Variants in HDAC5 observed in about 807,000 individuals in gnomAD.
HDAC5 encodes antigen NY-CO-9.
HDAC5 carries 25 observed loss-of-function variants against 133.3 expected under a neutral mutation model. That is an observed-to-expected ratio of 0.19 (90% confidence interval 0.14 to 0.26). The LOEUF (loss-of-function observed/expected upper bound fraction) is 0.26. HDAC5 is among the 10% of genes least tolerant of loss of function. The pLI, the probability that HDAC5 is intolerant of heterozygous loss-of-function variation, is 1.00. For missense variants in HDAC5, 1,041 were observed against 1,460.5 expected (o/e 0.71, Z 4.68); for synonymous variants, 589 against 610.8 (o/e 0.96, Z 0.53).
chr17:44,080,681 C>T, intron 21 of HDAC5, 82 bp downstream of exon 21: 1 of 1,587,076 alleles, frequency 6.3e-7, no homozygotes, highest in Admixed American at 1.7e-5. Flanking sequence ...CCACCATGGG[C>T]CTCCGTGGCT....
Position 44,087,534 on chromosome 17 carries a change from C to T in HDAC5, c.1762G>A (p.Glu588Lys), listed in dbSNP as rs751032840. 2 of 1,613,852 alleles carry T rather than the reference C, an allele frequency of 1.2e-6. No homozygotes were observed. The highest frequency in any genetic ancestry group is 1.1e-5 in the South Asian group (1 of 91,086). The change falls in exon 13 of 27, where the codon GAG becomes AAG. Residue 588 changes from glutamate (E) to lysine (K), a missense_variant. Physicochemically the swap from Glu to Lys is moderately conservative, Grantham distance 56 (BLOSUM62 1). This residue lies in a region of HDAC5 where 433 missense variants were observed against 531.6 expected (regional missense o/e 0.81). Coordinates refer to ENST00000682912, the MANE Select transcript of HDAC5 (RefSeq NM_005474.5). ...ESESTQEDLE[E>K]EDEEDDGEEE... ...TCCCCATCGTCTTCCTCGTCCTCCT[C>T]CTCCAGGTCTTCCTGTGTGCTCTCA...
intron 3 of HDAC5, among the ~76,000 whole-genome samples, chr17:44,098,047 C>T (rs1188076119): frequency 6.6e-6 from 1 of 152,256 alleles, no homozygotes; most frequent in African/African-American, 2.4e-5. Flanking sequence ...ATTTGCAGGA[C>T]CTGCAGGGAC....
In HDAC5 at chr17:44,080,240, C is replaced by G. The variant is rs753873521; in HGVS notation, c.2826-15G>C. On this transcript the variant is annotated splice_polypyrimidine_tract_variant and intron_variant, in intron 22 of 26. Coordinates refer to ENST00000682912, the MANE Select transcript of HDAC5 (RefSeq NM_005474.5). The stretch of plus-strand genomic sequence containing the variant: ...TCACCACTGTCCTGCAAAGGGATGG[C>G]TCAAGCTGAGCCCGGCAGATGACCA... 8 of 1,608,670 alleles carry G rather than the reference C, an allele frequency of 5.0e-6. No individual in the cohort carries two copies. The highest frequency in any genetic ancestry group is 6.8e-6 in the Non-Finnish European group (8 of 1,175,214).
At chr17:44,094,808 C>T (rs2051167327) in intron 3 of HDAC5, among the ~76,000 whole-genome samples, 1 of 151,140 alleles carries the variant, frequency 6.6e-6, no homozygotes, top group Non-Finnish European at 1.5e-5. Context: ...ATCTCTCTAC[C>T]TATATATATA....
intron 21 of HDAC5, 59 bp downstream of exon 21, chr17:44,080,704 C>T (rs2050350250): frequency 1.2e-6 from 2 of 1,611,790 alleles, no homozygotes; most frequent in East Asian, 4.5e-5. Flanking sequence ...CCGCCAGGTC[C>T]CATTGTGCCA....
rs1461452125 is a variant in HDAC5, at chr17:44,092,531, G to C, written c.773-4C>G. ...ACTTTCAAGTTGGGTTCAGAGGCTG[G>C]AGAGAAGGTAACCGAGGTTCAGATA... is the stretch of plus-strand genomic sequence containing the variant. On this transcript the variant is annotated splice_region_variant and splice_polypyrimidine_tract_variant and intron_variant, in intron 7 of 26. Coordinates refer to ENST00000682912, the MANE Select transcript of HDAC5 (RefSeq NM_005474.5). The C allele has an allele frequency of 9.3e-6, 15 of 1,611,258 alleles. No homozygotes were observed. The highest frequency in any genetic ancestry group is 1.3e-5 in the Non-Finnish European group (15 of 1,177,858).
Position 44,087,571 on chromosome 17 carries a change from G to A in HDAC5, c.1725C>T (p.Gly575=). Residue 575 remains glycine, a synonymous_variant, in exon 13 of 27, where the codon GGC becomes GGT. Transcript: ENST00000682912. The part of the protein sequence containing the change: ...GEGALTMPRE[G]STESESTQED... Reference sequence around the variant, plus strand: ...CCTGTGTGCTCTCACTCTCTGTGGAGCCCTCCCGGGGCATGGTCAGGGCTC... The same window carrying A: ...CCTGTGTGCTCTCACTCTCTGTGGAACCCTCCCGGGGCATGGTCAGGGCTC... The A allele has an allele frequency of 1.2e-6, 2 of 1,614,108 alleles. No individual in the cohort carries two copies. The highest frequency in any genetic ancestry group is 1.7e-6 in the Non-Finnish European group (2 of 1,180,014).
chr17:44,086,859 C>A (rs2050676033), intron 13 of HDAC5, 122 bp from the exon 14 acceptor site: 1 of 614,066 alleles, frequency 1.6e-6, no homozygotes, highest in Non-Finnish European at 2.4e-6. Context: ...CTCCTTCCCC[C>A]ACCTCCTCCC....
At chr17:44,084,306 G>A (rs2050543510) in intron 16 of HDAC5, among the ~76,000 whole-genome samples, 1 of 152,150 alleles carries the variant, frequency 6.6e-6, no homozygotes, top group Admixed American at 6.5e-5. Flanking sequence ...ATGATAAGCC[G>A]TGGAGGAGGG....
intron 2 of HDAC5, among the ~76,000 whole-genome samples, chr17:44,116,601 G>A (rs751973952): frequency 2.6e-5 from 4 of 152,114 alleles, no homozygotes; most frequent in African/African-American, 9.7e-5. Flanking sequence ...ACGATGGGCC[G>A]TGGAGAGCTA....
chr17:44,108,773 C>CA lies in HDAC5; in HGVS notation c.94+1955dup, dbSNP rs1402706062. Among the ~76,000 whole-genome samples, 76 of 106,520 alleles carry CA rather than the reference C, an allele frequency of 7.1e-4. 1 individual carries two copies. The highest frequency in any genetic ancestry group is 1.9e-3 in the East Asian group (6 of 3,214). The allele number at this position is 106,520 out of a possible 152,430, so 69.9% of individuals were successfully genotyped here. ...GTCCAAAAAAAAAACAAAAAAAAAACAAAAAAAAAACAAGGCTGCCGAGCT... is the reference window on the plus strand; with the variant it reads ...GTCCAAAAAAAAAACAAAAAAAAAACAAAAAAAAAAACAAGGCTGCCGAGCT... On this transcript the variant is annotated intron_variant, in intron 3 of 26. Coordinates refer to ENST00000682912, the MANE Select transcript of HDAC5 (RefSeq NM_005474.5).
chr17:44,098,667 G>A (rs1341427539), intron 3 of HDAC5, among the ~76,000 whole-genome samples: 3 of 151,048 alleles, frequency 2.0e-5, no homozygotes, highest in Non-Finnish European at 4.4e-5. Context: ...TTTGAACCCA[G>A]GAGGCAGAGG....
At chr17:44,095,617 G>C (rs1289922931) in intron 3 of HDAC5, among the ~76,000 whole-genome samples, 2 of 152,048 alleles carry the variant, frequency 1.3e-5, no homozygotes, top group East Asian at 3.8e-4. Context: ...CGCTTCCTTT[G>C]CTGGATTATC....
chr17:44,103,814 T>A (rs1304684341), intron 3 of HDAC5, among the ~76,000 whole-genome samples: 2 of 151,758 alleles, frequency 1.3e-5, no homozygotes, highest in Admixed American at 6.6e-5. Flanking sequence ...GTTCAAGCGA[T>A]TCTCCTGCCT....
intron 1 of HDAC5, 171 bp downstream of exon 1, chr17:44,123,333 G>T (rs1014336560): frequency 6.0e-4 from 197 of 330,710 alleles, no homozygotes; most frequent in Non-Finnish European, 1.5e-4. Flanking sequence ...ACGGGCTGCC[G>T]ATGCTCCCGG....
chr17:44,095,351 T>C (rs1288674593), intron 3 of HDAC5, among the ~76,000 whole-genome samples: 1 of 152,194 alleles, frequency 6.6e-6, no homozygotes, highest in Admixed American at 6.5e-5. Flanking sequence ...CAAAGCCTCA[T>C]ACTAGAAGAG....
At chr17:44,080,064 C>T (rs750314403) in intron 23 of HDAC5, 43 bp downstream of exon 23, 13 of 1,379,372 alleles carry the variant, frequency 9.4e-6, no homozygotes, top group Admixed American at 5.0e-5. Context: ...GACTCGATAT[C>T]CTCACTGTTT....
rs1042488646 is a variant in HDAC5 at position 44,077,154 on chromosome 17, G to C, written c.*1222C>G. ...TACTGGGGAGGAGGAGGAAGGAAGA[G>C]TCAGCCCCCTAGGAGCCACTTCCCA... On this transcript the variant is annotated 3_prime_UTR_variant, in exon 27 of 27. Coordinates refer to ENST00000682912, the MANE Select transcript of HDAC5 (RefSeq NM_005474.5). The C allele has an allele frequency of 6.5e-6, 1 of 152,726 alleles. No homozygotes were observed. The highest frequency in any genetic ancestry group is 2.4e-5 in the African/African-American group (1 of 41,424). 9.5% of individuals were successfully genotyped at this position (152,726 alleles called of 1,614,324 possible). A position where few individuals can be genotyped will look rare whatever the true frequency, so the allele number is the denominator to read the frequency against.
intron 1 of HDAC5, 182 bp downstream of exon 1, chr17:44,123,322 C>A (rs1002890681): frequency 2.7e-5 from 9 of 328,462 alleles, no homozygotes; most frequent in Non-Finnish European, 4.4e-5. Context: ...ATGTCCCGCT[C>A]ACGGGCTGCC....
Sources: gnomAD v4.1 joint callset for allele counts (sites outside exome capture counted in the v4.1 genomes callset) on GRCh38, gnomAD v4.1.1 for gene constraint, gnomAD v4.1.1 regional missense constraint, MANE v1.5 for transcripts, NCBI Gene and HGNC (gene_info 2026-07-23, HGNC 2026-07-21) for gene names.